The following PDE2A variants were observed in gnomAD, a reference collection of about 807,000 sequenced individuals.
PDE2A encodes phosphodiesterase 2A, also known as cGMP-dependent 3',5'-cyclic phosphodiesterase.
PDE2A carries 53 observed loss-of-function variants against 133.6 expected under a neutral mutation model. That is an observed-to-expected ratio of 0.40 (90% confidence interval 0.32 to 0.50). The LOEUF is 0.50. Ranked by LOEUF, PDE2A falls within the 20% of genes least tolerant of loss-of-function variation. The pLI is 0.73. For missense variants in PDE2A, 796 were observed against 1,232.4 expected, an observed-to-expected ratio of 0.65 and a Z score of 5.30; for synonymous variants, 491 against 490.2, an observed-to-expected ratio of 1.00 and a Z score of -0.02.
chr11:72,586,233 C>T, intron 13 of PDE2A, 52 bp from the exon 14 acceptor site: 2 of 1,041,840 alleles, frequency 1.9e-6, no homozygotes, highest in Non-Finnish European at 3.0e-6. Flanking sequence ...TGGCTTCTCT[C>T]CCCACTCTCC....
chr11:72,656,214 T>C (rs920605880), intron 1 of PDE2A, among the ~76,000 whole-genome samples: 8 of 152,206 alleles, frequency 5.3e-5, no homozygotes, highest in African/African-American at 1.9e-4. Context: ...GCCCAGCCAC[T>C]GACCTGTTGT....
chr11:72,582,537 G>A lies in PDE2A; in HGVS notation c.1758C>T (p.Leu586=), dbSNP rs1855770317. Reference sequence around the variant, plus strand: ...CAGCCACAGGCTGGATCCCATCATGGAGAAGTTTGGTATACTCATCATCGG... The same window carrying A: ...CAGCCACAGGCTGGATCCCATCATGAAGAAGTTTGGTATACTCATCATCGG... ...KVSDDEYTKL[L]HDGIQPVAAI... Residue 586 remains leucine (L), a synonymous_variant, in exon 21 of 31, where the codon CTC becomes CTT. Coordinates refer to ENST00000334456, the MANE Select transcript of PDE2A (RefSeq NM_002599.5). 1 of 1,613,558 alleles carries A rather than the reference G, an allele frequency of 6.2e-7. No homozygotes were observed. The highest frequency in any genetic ancestry group is 8.5e-7 in the Non-Finnish European group (1 of 1,179,550).
rs1339165923 is a variant in PDE2A at position 72,656,928 on chromosome 11, A to G, written c.72-14602T>C. Among the ~76,000 whole-genome samples, 3 of 152,024 alleles carry G rather than the reference A, an allele frequency of 2.0e-5. No homozygotes were observed. The East Asian group carries it at 5.8e-4, about 29-fold the overall frequency. On this transcript the variant is annotated intron_variant, in intron 1 of 30. Transcript: ENST00000334456. ...AGGGCTCCTCTTCCCCCAGGGACAA[A>G]CTTCAAACTCCTCACTGCATCCACT...
intron 2 of PDE2A, among the ~76,000 whole-genome samples, chr11:72,622,336 A>G (rs1857814433): frequency 2.0e-5 from 3 of 152,240 alleles, no homozygotes; most frequent in Admixed American, 1.3e-4. Flanking sequence ...TGTGTGATCC[A>G]GCAAGCGTAC....
chr11:72,661,676 A>G (rs1460951981), intron 1 of PDE2A, among the ~76,000 whole-genome samples: 1 of 152,234 alleles, frequency 6.6e-6, no homozygotes, highest in Non-Finnish European at 1.5e-5. Flanking sequence ...ATTCCGGGCA[A>G]CAGCATGTGC....
At chr11:72,614,639 T>A (rs1477644434) in intron 2 of PDE2A, among the ~76,000 whole-genome samples, 1 of 152,198 alleles carries the variant, frequency 6.6e-6, no homozygotes, top group African/African-American at 2.4e-5. Context: ...ATGACACTGA[T>A]GCTGCTGGTC....
At chr11:72,585,195 G>A in intron 16 of PDE2A, 176 bp downstream of exon 16, 2 of 671,196 alleles carry the variant, frequency 3.0e-6, no homozygotes, top group Non-Finnish European at 5.2e-6. Flanking sequence ...CCCTGTCCCT[G>A]CTGTATTGGA....
intron 3 of PDE2A, among the ~76,000 whole-genome samples, chr11:72,605,936 T>C (rs965116519): frequency 2.0e-5 from 3 of 152,210 alleles, no homozygotes; most frequent in Admixed American, 2.0e-4. Context: ...GCACAGGGGC[T>C]GGGCCCAAGG....
rs373866680 is a variant in PDE2A, at chr11:72,674,218, C to T, written c.-11G>A. On this transcript the variant is annotated 5_prime_UTR_variant, in exon 1 of 31. Coordinates refer to ENST00000334456, the MANE Select transcript of PDE2A (RefSeq NM_002599.5). ...GCATGCCTGCCCCATCACTCCTCAT[C>T]GTCCGCCTCCCCAGCCAGACTAAGG... is the stretch of plus-strand genomic sequence containing the variant. The T allele has an allele frequency of 2.6e-4, 416 of 1,606,442 alleles. No individual in the cohort carries two copies. Among genetic ancestry groups the T allele is most frequent in the Non-Finnish European group, 3.3e-4 (392 of 1,178,788 alleles).
At chr11:72,622,662 AAAGTAG>A (rs1328290783) in intron 2 of PDE2A, among the ~76,000 whole-genome samples, 10 of 152,336 alleles carry the variant, frequency 6.6e-5, no homozygotes, top group African/African-American at 2.2e-4. Flanking sequence ...ATAGAGACAG[AAAGTAG>A]AATGGTGGGT....
intron 26 of PDE2A, 36 bp downstream of exon 26, chr11:72,579,498 C>G: frequency 2.6e-6 from 4 of 1,566,602 alleles, no homozygotes; most frequent in South Asian, 1.2e-5. Context: ...GCTCCCAGCT[C>G]CCCCTCAATC....
chr11:72,648,523 T>C (rs1047570828), intron 1 of PDE2A, among the ~76,000 whole-genome samples: 1 of 152,102 alleles, frequency 6.6e-6, no homozygotes, highest in Non-Finnish European at 1.5e-5. Flanking sequence ...ATGGGGGCTG[T>C]AGGGTGGGTC....
intron 12 of PDE2A, 65 bp from the exon 13 acceptor site, chr11:72,588,979 C>A: frequency 6.5e-7 from 1 of 1,539,918 alleles, no homozygotes; most frequent in Non-Finnish European, 8.8e-7. Context: ...CTCCAGCCCT[C>A]CATCACATTT....
intron 2 of PDE2A, among the ~76,000 whole-genome samples, chr11:72,639,323 T>C (rs1035591216): frequency 1.3e-5 from 2 of 152,214 alleles, no homozygotes; most frequent in African/African-American, 2.4e-5. Context: ...TCTTCCTGGT[T>C]GTCTCCAGGG....
Position 72,597,963 on chromosome 11 carries a change from C to A in PDE2A, c.324-344G>T, listed in dbSNP as rs145732406. 6.6e-5 allele frequency among the ~76,000 whole-genome samples: 10 copies of A among 152,320 alleles called. No homozygotes were observed. The highest frequency in any genetic ancestry group is 1.9e-4 in the African/African-American group (8 of 41,574). On this transcript the variant is annotated intron_variant, in intron 4 of 30. Transcript: ENST00000334456. The surrounding 1 kb of genome is among the most constrained non-coding windows in gnomAD (Gnocchi z 4.6). ...ATCTGACCTTAGGCACATGACCTGA[C>A]CTCTCTGATCTTCCCAAGGAGAACT...
intron 19 of PDE2A, 35 bp downstream of exon 19, chr11:72,584,166 A>AAAACCC: frequency 1.3e-6 from 1 of 777,840 alleles, no homozygotes. Context: ...CCCGCCCCCT[A>AAAACCC]TCACCCCACA....
intron 22 of PDE2A, 147 bp from the exon 23 acceptor site, chr11:72,581,626 C>A: frequency 1.0e-6 from 1 of 990,398 alleles, no homozygotes; most frequent in Non-Finnish European, 1.5e-6. Flanking sequence ...AGTTCCTATG[C>A]ACATCTAACT....
At chr11:72,639,053 C>T (rs566368047) in intron 2 of PDE2A, among the ~76,000 whole-genome samples, 88 of 152,354 alleles carry the variant, frequency 5.8e-4, no homozygotes, top group Admixed American at 7.8e-4. Context: ...CCCTGACTGA[C>T]TCAGACTTCT....
At chr11:72,642,217 C>G in intron 2 of PDE2A, 37 bp downstream of exon 2, 2 of 1,441,224 alleles carry the variant, frequency 1.4e-6, no homozygotes, top group Non-Finnish European at 9.1e-7. Flanking sequence ...CGCCGGACAC[C>G]CCGTTCTCCT....
Sources: gnomAD v4.1 joint callset for allele counts (sites outside exome capture counted in the v4.1 genomes callset) on GRCh38, gnomAD v4.1.1 for gene constraint, Gnocchi (gnomAD v3.1) non-coding constraint, MANE v1.5 for transcripts, NCBI Gene and HGNC (gene_info 2026-07-23, HGNC 2026-07-21) for gene names.